The following RAB1A variants were observed in gnomAD, a reference collection of about 807,000 sequenced individuals.
RAB1A encodes ras-related protein Rab-1A.
RAB1A carries 2 observed loss-of-function variants against 26.0 expected under a neutral mutation model. The ratio of observed to expected loss-of-function variants is 0.08; its 90% CI spans 0.03 to 0.24. The LOEUF (loss-of-function observed/expected upper bound fraction) is 0.24. Among genes scored for constraint, RAB1A ranks in the 10% least tolerant of loss-of-function variants. The pLI, the probability that RAB1A is intolerant of heterozygous loss-of-function variation, is 1.00. For synonymous variants in RAB1A, 84 were observed against 84.9 expected (o/e 0.99, Z 0.06); for missense variants, 100 against 247.0 (o/e 0.40, Z 3.99).
At chr2:65,111,163 A>T (rs1669684955) in intron 1 of RAB1A, among the ~76,000 whole-genome samples, 1 of 152,034 alleles carries the variant, frequency 6.6e-6, no homozygotes, top group Non-Finnish European at 1.5e-5. Flanking sequence ...GGAGCACGAG[A>T]CCAGCCTGGG....
chr2:65,122,690 A>T (rs1240762051), intron 1 of RAB1A, among the ~76,000 whole-genome samples: 1 of 152,078 alleles, frequency 6.6e-6, no homozygotes, highest in Non-Finnish European at 1.5e-5. Flanking sequence ...AAAGAAAGCT[A>T]TTCTGGCCAG....
chr2:65,105,087 C>T (rs534960769), intron 1 of RAB1A, among the ~76,000 whole-genome samples: 6 of 152,294 alleles, frequency 3.9e-5, no homozygotes, highest in South Asian at 2.1e-4. Flanking sequence ...ATAAGTGATA[C>T]GCACTCTTGG....
At chr2:65,102,430 CAT>C (rs1346632827) in intron 2 of RAB1A, among the ~76,000 whole-genome samples, 4 of 151,986 alleles carry the variant, frequency 2.6e-5, no homozygotes, top group South Asian at 2.1e-4. Flanking sequence ...TCAGAAAAGT[CAT>C]ATGTATTTAG....
chr2:65,091,156 A>G, intron 3 of RAB1A, 78 bp from the exon 4 acceptor site: 1 of 1,125,694 alleles, frequency 8.9e-7, no homozygotes, highest in Non-Finnish European at 1.3e-6. Context: ...GAGGGGAAAT[A>G]GTTTAGTTTT....
chr2:65,113,026 T>C (rs949179353), intron 1 of RAB1A, among the ~76,000 whole-genome samples: 2 of 151,912 alleles, frequency 1.3e-5, no homozygotes, highest in Admixed American at 6.6e-5. Flanking sequence ...CTGGGCAACA[T>C]AGAGAGAAGC....
chr2:65,090,478 G>A (rs1669147220), intron 4 of RAB1A, among the ~76,000 whole-genome samples: 1 of 152,028 alleles, frequency 6.6e-6, no homozygotes, highest in South Asian at 2.1e-4. Context: ...CTCTCTCACA[G>A]CTAATCTTCA....
At chr2:65,117,829 C>T (rs1000833410) in intron 1 of RAB1A, among the ~76,000 whole-genome samples, 13 of 151,928 alleles carry the variant, frequency 8.6e-5, no homozygotes, top group East Asian at 1.9e-4. Flanking sequence ...CCTCAGCCTC[C>T]GAAAGTGCTG....
chr2:65,120,455 CAAAAA>C (rs67617654), intron 1 of RAB1A, among the ~76,000 whole-genome samples: 11 of 56,636 alleles, frequency 1.9e-4, no homozygotes, highest in African/African-American at 4.6e-4. Flanking sequence ...CACCTTGTCT[CAAAAA>C]AAAAAAAAAA....
At chr2:65,117,729 G>C (rs1479159766) in intron 1 of RAB1A, among the ~76,000 whole-genome samples, 3 of 101,840 alleles carry the variant, frequency 2.9e-5, no homozygotes, top group South Asian at 7.2e-4. Context: ...ACCACGTCCA[G>C]CTAGTTTTTT....
At chr2:65,089,702 A>ATTTTTTTTT (rs58993413) in intron 4 of RAB1A, among the ~76,000 whole-genome samples, 86 of 141,960 alleles carry the variant, frequency 6.1e-4, no homozygotes, top group African/African-American at 1.7e-3. Flanking sequence ...AATTTGATTA[A>ATTTTTTTTT]TTTTTTTTTT....
intron 2 of RAB1A, among the ~76,000 whole-genome samples, chr2:65,103,299 C>CAAAAAAAAAACAAAAAAACAAA (rs1553392747): frequency 4.8e-4 from 21 of 44,116 alleles, no homozygotes; most frequent in African/African-American, 1.6e-3. Flanking sequence ...GAATCTGTCT[C>CAAAAAAAAAACAAAAAAACAAA]AAAAAAAAAA....
At chr2:65,107,540 G>A (rs949083835) in intron 1 of RAB1A, among the ~76,000 whole-genome samples, 5 of 152,094 alleles carry the variant, frequency 3.3e-5, no homozygotes, top group Admixed American at 3.3e-4. Flanking sequence ...AGGCTGGAGT[G>A]CAGTGGCTCG....
rs79355951 is a variant in RAB1A, at chr2:65,110,510, T to C, written c.24-5704A>G. 1.5e-4 allele frequency among the ~76,000 whole-genome samples: 23 copies of C among 150,792 alleles called. No individual in the cohort carries two copies. In the East Asian group the frequency reaches 3.9e-3, roughly 26 times the overall value. On this transcript the variant is annotated intron_variant, in intron 1 of 5. Transcript: ENST00000409784. ...AATAAATTAAGTACGTATTAGATTATAACTCACAAAATAAATACTCATGAA... is the reference window on the plus strand; with the variant it reads ...AATAAATTAAGTACGTATTAGATTACAACTCACAAAATAAATACTCATGAA...
intron 4 of RAB1A, among the ~76,000 whole-genome samples, chr2:65,090,144 C>T (rs1272158360): frequency 2.6e-5 from 4 of 152,142 alleles, no homozygotes; most frequent in South Asian, 2.1e-4. Flanking sequence ...AAATATTTCA[C>T]GGTAATAGTA....
Position 65,104,825 on chromosome 2 carries a change from AATG to A in RAB1A, c.24-22_24-20del, listed in dbSNP as rs1344817234. On this transcript the variant is annotated intron_variant, in intron 1 of 5. Coordinates refer to ENST00000409784, the MANE Select transcript of RAB1A (RefSeq NM_004161.5). ...ATAATCACTGCAAAAAGAAAAAGAA[AATG>A]ATGTTAATAAAAAGCACACTGCATT... 3 of 1,581,640 alleles carry A rather than the reference AATG, an allele frequency of 1.9e-6. No homozygotes were observed. The Admixed American group carries it at 5.0e-5, about 26-fold the overall frequency.
chr2:65,106,251 ACCT>A (rs1669555980), intron 1 of RAB1A: 1 of 204,172 alleles, frequency 4.9e-6, no homozygotes, highest in Non-Finnish European at 1.0e-5. Context: ...AAGGACAAAA[ACCT>A]TAGAATTTAT....
rs1207031930 is a variant in RAB1A at position 65,092,973 on chromosome 2, G to A, written c.193-1895C>T. On this transcript the variant is annotated intron_variant, in intron 3 of 5. Transcript: ENST00000409784. ...TCTCTCGCCTCCTGCCATGTAAGAC[G>A]TGCCTGCTTCCCTTTCTGCCACAGT... Among the ~76,000 whole-genome samples the A allele has an allele frequency of 4.6e-5, 7 of 152,100 alleles. No individual in the cohort carries two copies. The South Asian group carries it at 1.0e-3, about 22-fold the overall frequency.
intron 1 of RAB1A, among the ~76,000 whole-genome samples, chr2:65,114,753 G>C (rs916306101): frequency 6.6e-6 from 1 of 152,112 alleles, no homozygotes; most frequent in East Asian, 1.9e-4. Context: ...GCTGAGGCAG[G>C]AGAATGGCGT....
At position 65,089,083 on chromosome 2, in the gene RAB1A, T is replaced by G; in HGVS notation, c.289-13A>C. 1 of 1,596,620 alleles carries G rather than the reference T, an allele frequency of 6.3e-7. No homozygotes were observed. Among genetic ancestry groups the G allele is most frequent in the Non-Finnish European group, 8.6e-7 (1 of 1,168,584 alleles). On this transcript the variant is annotated splice_polypyrimidine_tract_variant and intron_variant, in intron 4 of 5. Coordinates refer to ENST00000409784, the MANE Select transcript of RAB1A (RefSeq NM_004161.5). ...TATTGAAGGACTCCTAAAAAGACAT[T>G]TGAAAGACTGATAATATAGTTCGAT...
Sources: gnomAD v4.1 joint callset for allele counts (sites outside exome capture counted in the v4.1 genomes callset) on GRCh38, gnomAD v4.1.1 for gene constraint, MANE v1.5 for transcripts, NCBI Gene and HGNC (gene_info 2026-07-23, HGNC 2026-07-21) for gene names.